JMJD1C: variants seen among roughly 807,000 people sequenced by gnomAD.
The protein encoded by JMJD1C is jumonji domain-containing protein 1C.
Under a neutral mutation model 245.3 loss-of-function variants are expected in JMJD1C, and 31 were observed. The observed-to-expected ratio is 0.13, with a 90% CI of 0.09 to 0.17. The LOEUF is 0.17. Among genes scored for constraint, JMJD1C ranks in the 10% least tolerant of loss-of-function variants. JMJD1C has a pLI of 1.00. For synonymous variants in JMJD1C, 1,057 were observed against 1,017.4 expected (o/e 1.04, Z -0.74); for missense variants, 2,691 against 3,000.2 (o/e 0.90, Z 2.41).
intron 10 of JMJD1C, chr10:63,204,138 GAAAA>G: frequency 1.1e-6 from 1 of 895,470 alleles, no homozygotes; most frequent in Non-Finnish European, 1.3e-6. Context: ...AAATATTTAA[GAAAA>G]AAAAAACTTT....
intron 1 of JMJD1C, among the ~76,000 whole-genome samples, chr10:63,504,362 T>G (rs990749576): frequency 1.3e-5 from 2 of 152,056 alleles, no homozygotes; most frequent in Admixed American, 1.3e-4. Context: ...CAGGAGTGAT[T>G]AGGTGGTTAG....
intron 3 of JMJD1C, among the ~76,000 whole-genome samples, chr10:63,225,932 G>A (rs992830194): frequency 2.0e-5 from 3 of 152,096 alleles, no homozygotes; most frequent in Non-Finnish European, 4.4e-5. Flanking sequence ...AAGTGACAGA[G>A]CTGTTATCTG....
chr10:63,183,067 G>A (rs1413117953), intron 22 of JMJD1C, among the ~76,000 whole-genome samples: 1 of 152,108 alleles, frequency 6.6e-6, no homozygotes, highest in Non-Finnish European at 1.5e-5. Context: ...TAGCATGTTG[G>A]TCAGGCTGGT....
At chr10:63,256,535 G>T (rs1853957364) in intron 3 of JMJD1C, among the ~76,000 whole-genome samples, 1 of 152,128 alleles carries the variant, frequency 6.6e-6, no homozygotes, top group South Asian at 2.1e-4. Context: ...CTCTTTTCTT[G>T]TTGTCCATCC....
rs954912910 is a variant in JMJD1C, at chr10:63,397,588, C to T, written c.169-17106G>A. ...CACTCTTGTCACCCAGGCTGGAGTA[C>T]AGTGGCACAATCACGGTTCATTGCA... On this transcript the variant is annotated intron_variant, in intron 1 of 25. Transcript: ENST00000399262. Among the ~76,000 whole-genome samples, 4 of 152,078 alleles carry T rather than the reference C, an allele frequency of 2.6e-5. No individual in the cohort carries two copies. The East Asian group carries it at 7.7e-4, about 29-fold the overall frequency.
intron 8 of JMJD1C, 31 bp from the exon 9 acceptor site, chr10:63,209,266 T>G: frequency 6.4e-7 from 1 of 1,556,782 alleles, no homozygotes; most frequent in South Asian, 1.2e-5. Flanking sequence ...AAAAAACACC[T>G]AGATTTCAGT....
At chr10:63,198,227 C>G (rs1326573181) in intron 12 of JMJD1C, among the ~76,000 whole-genome samples, 1 of 152,092 alleles carries the variant, frequency 6.6e-6, no homozygotes, top group Non-Finnish European at 1.5e-5. Context: ...CTTTATAAGC[C>G]AAATGCTGAA....
intron 2 of JMJD1C, among the ~76,000 whole-genome samples, chr10:63,372,581 T>C (rs775830153): frequency 4.0e-4 from 61 of 152,322 alleles, no homozygotes; most frequent in Non-Finnish European, 5.4e-4. Flanking sequence ...CATATGTTAA[T>C]AGTCAGAAAA....
intron 2 of JMJD1C, among the ~76,000 whole-genome samples, chr10:63,302,788 AG>A (rs1362084782): frequency 2.6e-5 from 4 of 152,246 alleles, no homozygotes; most frequent in Admixed American, 2.6e-4. Flanking sequence ...ATTTGGAATT[AG>A]CCAAAATTAT....
At chr10:63,421,031 T>C (rs941607261) in intron 1 of JMJD1C, among the ~76,000 whole-genome samples, 1 of 152,124 alleles carries the variant, frequency 6.6e-6, no homozygotes, top group African/African-American at 2.4e-5. Context: ...ATCTTAGACA[T>C]TGCTTATAAG....
At chr10:63,333,241 A>G (rs773038508) in intron 2 of JMJD1C, among the ~76,000 whole-genome samples, 7 of 152,180 alleles carry the variant, frequency 4.6e-5, no homozygotes, top group African/African-American at 7.2e-5. Flanking sequence ...AACAATATCC[A>G]TTCTCCTATT....
chr10:63,312,117 GT>G (rs1939299688), intron 2 of JMJD1C, among the ~76,000 whole-genome samples: 1 of 92,818 alleles, frequency 1.1e-5, no homozygotes, highest in Non-Finnish European at 2.0e-5. Context: ...TTTTTTTTTT[GT>G]GTGTGTGAGA....
At position 63,206,590 on chromosome 10, in the gene JMJD1C, CTTACTA is replaced by C; in HGVS notation, c.5073_5074+4del. 1 of 1,567,584 alleles carries C rather than the reference CTTACTA, an allele frequency of 6.4e-7. No individual in the cohort carries two copies. Among genetic ancestry groups the C allele is most frequent in the Non-Finnish European group, 8.6e-7 (1 of 1,160,852 alleles). Reference sequence around the variant, plus strand: ...ACCTGAGATAAAACAAAGTAACTGACTTACTATTACTGTTGCTTTGCAACTTCAGTT... The same window carrying C: ...ACCTGAGATAAAACAAAGTAACTGACTTACTGTTGCTTTGCAACTTCAGTT... On this transcript the variant is annotated splice_donor_variant and splice_donor_region_variant and coding_sequence_variant and intron_variant, in exon 10 of 26. Coordinates refer to ENST00000399262, the MANE Select transcript of JMJD1C (RefSeq NM_032776.3). LOFTEE classifies it high-confidence loss of function.
chr10:63,262,525 G>A lies in JMJD1C; in HGVS notation c.447+2126C>T, dbSNP rs111627050. ...TAAACCAGCACTTAGTCTAAAATTC[G>A]TAAGAAATTCTAAAACTAAGGTATG... On this transcript the variant is annotated intron_variant, in intron 3 of 25. Transcript: ENST00000399262. 2.2e-3 allele frequency among the ~76,000 whole-genome samples: 329 copies of A among 152,124 alleles called. 2 individuals carry two copies. The highest frequency in any genetic ancestry group is 6.9e-3 in the African/African-American group (285 of 41,492).
chr10:63,272,920 C>G (rs1239199939), intron 2 of JMJD1C, among the ~76,000 whole-genome samples: 1 of 152,124 alleles, frequency 6.6e-6, no homozygotes, highest in Non-Finnish European at 1.5e-5. Flanking sequence ...TCATATAGCA[C>G]AAAGTACACT....
chr10:63,280,117 C>T (rs1857225381), intron 2 of JMJD1C, among the ~76,000 whole-genome samples: 1 of 151,922 alleles, frequency 6.6e-6, no homozygotes, highest in Non-Finnish European at 1.5e-5. Context: ...TGCCACTGCA[C>T]TCAAGTCTGG....
chr10:63,171,441 C>CA (rs1363908347), intron 24 of JMJD1C, among the ~76,000 whole-genome samples: 1 of 152,244 alleles, frequency 6.6e-6, no homozygotes, highest in Non-Finnish European at 1.5e-5. Context: ...CTTGAACAGA[C>CA]AGCCCACTCT....
At position 63,472,192 on chromosome 10, in the gene JMJD1C, CTATTATA is replaced by C. The variant is rs1158075139; in HGVS notation, n.113+49539_113+49545del. Among the ~76,000 whole-genome samples, 20 of 151,808 alleles carry C rather than the reference CTATTATA, an allele frequency of 1.3e-4. No homozygotes were observed. In the East Asian group the frequency reaches 2.9e-3, roughly 22 times the overall value. ...ATAATAGATAAAAATCCTATCTCAACTATTATATATTATATATAATAATTTCTTAATA... is the reference window on the plus strand; with the variant it reads ...ATAATAGATAAAAATCCTATCTCAACTATTATATATAATAATTTCTTAATA... On this transcript the variant is annotated intron_variant and non_coding_transcript_variant, in intron 1 of 3. Coordinates refer to the JMJD1C transcript ENST00000633035.
At chr10:63,281,125 C>G (rs1262663634) in intron 2 of JMJD1C, among the ~76,000 whole-genome samples, 2 of 147,506 alleles carry the variant, frequency 1.4e-5, no homozygotes, top group Non-Finnish European at 3.0e-5. Flanking sequence ...AGCCACCACA[C>G]CCGGCCTTTT....
Sources: allele counts gnomAD v4.1 joint callset (sites outside exome capture counted in the v4.1 genomes callset), GRCh38; gene constraint gnomAD v4.1.1; transcripts MANE v1.5; gene names NCBI Gene and HGNC (gene_info 2026-07-23, HGNC 2026-07-21).